Variants in TMEM163 observed in about 807,000 individuals in gnomAD.
TMEM163 encodes transmembrane protein 163.
In TMEM163, 17 loss-of-function variants were observed where a neutral mutation model predicts 29.3. The observed-to-expected ratio is 0.58, with a 90% confidence interval of 0.40 to 0.87. TMEM163 has a LOEUF of 0.87. TMEM163 is among the 40% of genes least tolerant of loss of function. The pLI, the probability that TMEM163 is intolerant of heterozygous loss-of-function variation, is 0.00. For missense variants in TMEM163, 303 were observed against 381.5 expected (o/e 0.79, Z 1.71); for synonymous variants, 157 against 160.6 (o/e 0.98, Z 0.17).
At chr2:134,471,816 A>G (rs1346354245) in intron 5 of TMEM163, among the ~76,000 whole-genome samples, 1 of 152,162 alleles carries the variant, frequency 6.6e-6, no homozygotes, top group East Asian at 1.9e-4. Flanking sequence ...GAGAGGCTAA[A>G]TGACTTTCCC....
chr2:134,576,268 G>A (rs1161842413), intron 2 of TMEM163, among the ~76,000 whole-genome samples: 5 of 152,144 alleles, frequency 3.3e-5, no homozygotes, highest in African/African-American at 1.2e-4. Context: ...ACTTGCCTGT[G>A]AAATTCTACG....
chr2:134,601,082 A>G (rs1682221254), intron 2 of TMEM163, among the ~76,000 whole-genome samples: 1 of 152,152 alleles, frequency 6.6e-6, no homozygotes, highest in Non-Finnish European at 1.5e-5. Context: ...ATATATATAA[A>G]GTATATCTAT....
At chr2:134,500,631 C>T (rs907481140) in intron 5 of TMEM163, among the ~76,000 whole-genome samples, 2 of 149,852 alleles carry the variant, frequency 1.3e-5, no homozygotes, top group African/African-American at 4.9e-5. Context: ...CAATGGAATA[C>T]GATTCTGCCA....
At chr2:134,517,807 T>G (rs1680108144) in intron 4 of TMEM163, among the ~76,000 whole-genome samples, 1 of 152,242 alleles carries the variant, frequency 6.6e-6, no homozygotes, top group Non-Finnish European at 1.5e-5. Flanking sequence ...AGGCTCAGAT[T>G]TATTTGCATA....
At chr2:134,459,970 G>A (rs772732083) in intron 6 of TMEM163, among the ~76,000 whole-genome samples, 7 of 151,756 alleles carry the variant, frequency 4.6e-5, no homozygotes, top group East Asian at 3.9e-4. Context: ...CTCGCCCTCC[G>A]CTGCATGCTC....
chr2:134,601,105 T>C (rs956163048), intron 2 of TMEM163, among the ~76,000 whole-genome samples: 1 of 152,088 alleles, frequency 6.6e-6, no homozygotes, highest in African/African-American at 2.4e-5. Context: ...TCTAGTTAAC[T>C]ATTAAAAATT....
At chr2:134,565,109 G>A (rs1354164419) in intron 2 of TMEM163, among the ~76,000 whole-genome samples, 2 of 151,858 alleles carry the variant, frequency 1.3e-5, no homozygotes, top group East Asian at 1.9e-4. Context: ...GTGGTAGCGC[G>A]TGCCTGTAAT....
chr2:134,644,255 G>A (rs1469618678), intron 2 of TMEM163, among the ~76,000 whole-genome samples: 1 of 152,086 alleles, frequency 6.6e-6, no homozygotes, highest in African/African-American at 2.4e-5. Context: ...AGATATAGAG[G>A]AGTTGATTCT....
At chr2:134,603,962 G>A (rs1682294075) in intron 2 of TMEM163, among the ~76,000 whole-genome samples, 1 of 151,972 alleles carries the variant, frequency 6.6e-6, no homozygotes, top group South Asian at 2.1e-4. Flanking sequence ...GTTAGTCTTG[G>A]ACAGTCTATC....
intron 2 of TMEM163, among the ~76,000 whole-genome samples, chr2:134,606,011 T>A (rs1243734580): frequency 6.6e-6 from 1 of 152,170 alleles, no homozygotes; most frequent in African/African-American, 2.4e-5. Flanking sequence ...CTTTTCCTTT[T>A]AAACAATTGA....
At chr2:134,675,361 T>C (rs958881957) in intron 2 of TMEM163, among the ~76,000 whole-genome samples, 13 of 152,260 alleles carry the variant, frequency 8.5e-5, no homozygotes, top group African/African-American at 2.9e-4. Context: ...GGAGAATTTA[T>C]ATCTGGGTTT....
At chr2:134,689,073 CTTCT>C (rs1684405558) in intron 2 of TMEM163, among the ~76,000 whole-genome samples, 2 of 149,020 alleles carry the variant, frequency 1.3e-5, no homozygotes, top group African/African-American at 4.9e-5. Context: ...TTTCTTTTTA[CTTCT>C]TTGTTTAATG....
intron 1 of TMEM163, among the ~76,000 whole-genome samples, chr2:134,716,197 G>A (rs1239165245): frequency 6.6e-6 from 1 of 152,186 alleles, no homozygotes; most frequent in Non-Finnish European, 1.5e-5. Flanking sequence ...CTTGTAGGGA[G>A]AAGAATAGGT....
intron 2 of TMEM163, among the ~76,000 whole-genome samples, chr2:134,589,752 C>A (rs1437550748): frequency 1.3e-5 from 2 of 152,202 alleles, no homozygotes; most frequent in Admixed American, 1.3e-4. Context: ...ATTCTTTATT[C>A]CTTTACTTTC....
chr2:134,483,270 T>C (rs1346636718), intron 5 of TMEM163, among the ~76,000 whole-genome samples: 1 of 152,118 alleles, frequency 6.6e-6, no homozygotes, highest in African/African-American at 2.4e-5. Context: ...CCACCCTGGC[T>C]GGGCTCACAC....
In TMEM163 at chr2:134,456,467, A is replaced by G. The variant is rs1686396885; in HGVS notation, c.*249T>C. 3 of 532,166 alleles carry G rather than the reference A, an allele frequency of 5.6e-6. No homozygotes were observed. The Admixed American group carries it at 9.3e-5, about 17-fold the overall frequency. 33.0% of individuals were successfully genotyped at this position (532,166 alleles called of 1,614,324 possible). A position where few individuals can be genotyped will look rare whatever the true frequency, so the allele number is the denominator to read the frequency against. ...GAACCATCATACTCCAGAGACTAAA[A>G]AACGCCAGTCCCAGCTGGAGACGGG... is the stretch of plus-strand genomic sequence containing the variant. On this transcript the variant is annotated 3_prime_UTR_variant, in exon 8 of 8. Transcript: ENST00000281924.
chr2:134,516,795 G>GAATATA (rs1680080360), intron 4 of TMEM163, among the ~76,000 whole-genome samples: 1 of 33,252 alleles, frequency 3.0e-5, no homozygotes, highest in Non-Finnish European at 4.8e-5. Context: ...ATATATGCAT[G>GAATATA]TATGTATGAA....
chr2:134,508,534 C>T (rs1051148143), intron 4 of TMEM163, among the ~76,000 whole-genome samples: 1 of 152,196 alleles, frequency 6.6e-6, no homozygotes, highest in Non-Finnish European at 1.5e-5. Flanking sequence ...ACAGAGGAAG[C>T]TCATCTTGGA....
At chr2:134,549,876 G>C (rs987985591) in intron 4 of TMEM163, among the ~76,000 whole-genome samples, 1 of 152,132 alleles carries the variant, frequency 6.6e-6, no homozygotes, top group Non-Finnish European at 1.5e-5. Context: ...GTGTGTGTGT[G>C]TGTACTCATT....
Sources: allele counts gnomAD v4.1 joint callset (sites outside exome capture counted in the v4.1 genomes callset), GRCh38; gene constraint gnomAD v4.1.1; transcripts MANE v1.5; gene names NCBI Gene and HGNC (gene_info 2026-07-23, HGNC 2026-07-21).